Variants in MARCHF1 observed in about 807,000 individuals in gnomAD.
The protein encoded by MARCHF1 is E3 ubiquitin-protein ligase MARCHF1.
Under a neutral mutation model 54.2 loss-of-function variants are expected in MARCHF1, and 40 were observed. That is an observed-to-expected ratio of 0.74 (90% CI 0.57 to 0.96). MARCHF1 has a LOEUF of 0.96. Among genes scored for constraint, MARCHF1 ranks in the 40% least tolerant of loss-of-function variants. The pLI is 0.00. For missense variants in MARCHF1, 586 were observed against 656.5 expected (o/e 0.89, Z 1.17); for synonymous variants, 236 against 236.3 (o/e 1.00, Z 0.01).
At chr4:164,362,788 T>C (rs1730760926) in intron 1 of MARCHF1, among the ~76,000 whole-genome samples, 1 of 152,154 alleles carries the variant, frequency 6.6e-6, no homozygotes, top group Admixed American at 6.6e-5. Context: ...CATTTACAAA[T>C]AGTATCATCT....
At chr4:164,350,974 C>T (rs971290751) in intron 1 of MARCHF1, among the ~76,000 whole-genome samples, 1 of 151,982 alleles carries the variant, frequency 6.6e-6, no homozygotes, top group African/African-American at 2.4e-5. Context: ...TCAGGGAGTT[C>T]CCTTTCCGAG....
At chr4:163,820,217 T>C (rs1050738500) in intron 4 of MARCHF1, among the ~76,000 whole-genome samples, 1 of 152,054 alleles carries the variant, frequency 6.6e-6, no homozygotes, top group African/African-American at 2.4e-5. Context: ...CCAATACATA[T>C]TTTTTACTCT....
At chr4:163,859,214 G>C (rs1057013205) in intron 3 of MARCHF1, among the ~76,000 whole-genome samples, 1 of 151,982 alleles carries the variant, frequency 6.6e-6, no homozygotes, top group Non-Finnish European at 1.5e-5. Flanking sequence ...CCTCTACCTT[G>C]CAATTACTTT....
At chr4:163,846,340 A>G (rs1160863114) in intron 4 of MARCHF1, among the ~76,000 whole-genome samples, 1 of 152,170 alleles carries the variant, frequency 6.6e-6, no homozygotes, top group African/African-American at 2.4e-5. Context: ...GAAATTTAAT[A>G]TACTCAACCT....
chr4:164,126,458 T>A (rs578261416), intron 1 of MARCHF1, among the ~76,000 whole-genome samples: 2 of 152,280 alleles, frequency 1.3e-5, no homozygotes, highest in South Asian at 4.2e-4. Context: ...GGTATTTAGT[T>A]AAAACAACCC....
At chr4:164,316,140 T>TA (rs1350052268) in intron 1 of MARCHF1, among the ~76,000 whole-genome samples, 1 of 152,190 alleles carries the variant, frequency 6.6e-6, no homozygotes, top group Non-Finnish European at 1.5e-5. Flanking sequence ...TGAAAAATGT[T>TA]AGTGTCTATT....
At chr4:164,112,352 G>C (rs1755851722) in intron 1 of MARCHF1, among the ~76,000 whole-genome samples, 1 of 151,854 alleles carries the variant, frequency 6.6e-6, no homozygotes, top group Admixed American at 6.6e-5. Flanking sequence ...CCTTTGTTTA[G>C]TTGAAAGGGC....
intron 1 of MARCHF1, among the ~76,000 whole-genome samples, chr4:164,351,524 T>C (rs1578888183): frequency 1.3e-5 from 2 of 151,622 alleles, no homozygotes; most frequent in African/African-American, 4.8e-5. Flanking sequence ...CACGGCAGGG[T>C]ATTCCAACAG....
At chr4:163,985,320 A>C (rs933586105) in intron 3 of MARCHF1, among the ~76,000 whole-genome samples, 7 of 152,304 alleles carry the variant, frequency 4.6e-5, no homozygotes, top group African/African-American at 1.7e-4. Context: ...ATAAACCTAC[A>C]TCCCTTCTCT....
intron 1 of MARCHF1, chr4:164,188,331 G>T (rs1376983424): frequency 3.0e-5 from 12 of 399,978 alleles, no homozygotes; most frequent in Non-Finnish European, 2.8e-5. Flanking sequence ...TGCTGCGGCC[G>T]GTGGCTTCAT....
intron 1 of MARCHF1, among the ~76,000 whole-genome samples, chr4:164,357,365 C>T (rs1218122249): frequency 2.0e-5 from 3 of 152,058 alleles, no homozygotes; most frequent in African/African-American, 7.2e-5. Flanking sequence ...TGTCTTTCTG[C>T]CATCACATCT....
chr4:164,046,381 T>C (rs1251910411), intron 2 of MARCHF1, among the ~76,000 whole-genome samples: 1 of 152,268 alleles, frequency 6.6e-6, no homozygotes, highest in Non-Finnish European at 1.5e-5. Context: ...ACTCATGAAG[T>C]ATTGTCTCCA....
intron 4 of MARCHF1, among the ~76,000 whole-genome samples, chr4:163,728,723 A>G (rs1745742049): frequency 6.6e-6 from 1 of 152,230 alleles, no homozygotes; most frequent in African/African-American, 2.4e-5. Flanking sequence ...GATTTTCTAC[A>G]TAGACAATCA....
chr4:163,881,583 G>A (rs1750417624), intron 3 of MARCHF1, among the ~76,000 whole-genome samples: 1 of 152,168 alleles, frequency 6.6e-6, no homozygotes, highest in Non-Finnish European at 1.5e-5. Context: ...AGACCTTGAG[G>A]TAGTTCATCT....
At chr4:163,942,071 G>A (rs1751923271) in intron 3 of MARCHF1, among the ~76,000 whole-genome samples, 2 of 152,040 alleles carry the variant, frequency 1.3e-5, no homozygotes, top group Non-Finnish European at 2.9e-5. Flanking sequence ...TGTTGCATTT[G>A]GTTTCATGAA....
chr4:164,203,148 T>C (rs1272128471), intron 1 of MARCHF1, among the ~76,000 whole-genome samples: 2 of 152,184 alleles, frequency 1.3e-5, no homozygotes, highest in Non-Finnish European at 2.9e-5. Context: ...ATGGGATTTT[T>C]AGAGCTTTAT....
intron 4 of MARCHF1, among the ~76,000 whole-genome samples, chr4:163,751,135 G>A (rs1417233880): frequency 1.8e-3 from 2 of 1,130 alleles, no homozygotes; most frequent in African/African-American, 4.2e-3. Context: ...TTACCACTTT[G>A]TGTGTGTGTG....
chr4:163,765,581 T>A (rs1746950359), intron 4 of MARCHF1, among the ~76,000 whole-genome samples: 1 of 152,056 alleles, frequency 6.6e-6, no homozygotes, highest in Non-Finnish European at 1.5e-5. Flanking sequence ...ATAAATTGTG[T>A]GCTACACATT....
At chr4:163,682,358 A>G (rs999632594) in intron 5 of MARCHF1, among the ~76,000 whole-genome samples, 2 of 152,240 alleles carry the variant, frequency 1.3e-5, no homozygotes, top group African/African-American at 4.8e-5. Flanking sequence ...AATTTGCATA[A>G]GTAATGAGGG....
Sources: gnomAD v4.1 joint callset for allele counts (sites outside exome capture counted in the v4.1 genomes callset) on GRCh38, gnomAD v4.1.1 for gene constraint, MANE v1.5 for transcripts, NCBI Gene and HGNC (gene_info 2026-07-23, HGNC 2026-07-21) for gene names.